Variants in PTPRG observed in about 807,000 individuals in gnomAD.
PTPRG encodes protein tyrosine phosphatase receptor type G.
PTPRG carries 102 observed loss-of-function variants against 165.3 expected under a neutral mutation model. The observed-to-expected ratio is 0.62, with a 90% CI of 0.53 to 0.73. PTPRG has a LOEUF of 0.73. Ranked by LOEUF, PTPRG falls within the 30% of genes least tolerant of loss-of-function variation. The pLI is 0.00. For synonymous variants in PTPRG, 675 were observed against 669.5 expected, an observed-to-expected ratio of 1.01 and a Z score of -0.13; for missense variants, 1,866 against 1,861.4, an observed-to-expected ratio of 1.00 and a Z score of -0.05.
At chr3:61,923,657 C>T (rs1004901863) in intron 2 of PTPRG, among the ~76,000 whole-genome samples, 4 of 149,270 alleles carry the variant, frequency 2.7e-5, no homozygotes, top group African/African-American at 9.9e-5. Context: ...ACAGTTCCCA[C>T]CTATGAGCAC....
intron 1 of PTPRG, among the ~76,000 whole-genome samples, chr3:61,583,533 C>G (rs1261961559): frequency 1.3e-5 from 2 of 152,114 alleles, no homozygotes; most frequent in Admixed American, 6.6e-5. Context: ...ATTATTTTTG[C>G]CTGCCTAGCA....
chr3:62,134,887 G>A (rs1703648990), intron 6 of PTPRG, among the ~76,000 whole-genome samples: 1 of 152,196 alleles, frequency 6.6e-6, no homozygotes, highest in Non-Finnish European at 1.5e-5. Context: ...AAGCCCATGT[G>A]GGTATTGCCT....
At chr3:62,078,738 A>G (rs796810977) in intron 5 of PTPRG, among the ~76,000 whole-genome samples, 44 of 152,290 alleles carry the variant, frequency 2.9e-4, no homozygotes, top group African/African-American at 8.4e-4. Context: ...GTGTTGGTAC[A>G]TTTATGAACT....
chr3:62,167,412 G>A (rs984922601), intron 7 of PTPRG, among the ~76,000 whole-genome samples: 2 of 152,166 alleles, frequency 1.3e-5, no homozygotes, highest in East Asian at 1.9e-4. Context: ...ACTAGGAACT[G>A]TTTTAAGCAC....
intron 1 of PTPRG, among the ~76,000 whole-genome samples, chr3:61,723,747 T>C (rs2032144844): frequency 1.3e-5 from 2 of 152,192 alleles, no homozygotes; most frequent in South Asian, 4.1e-4. Context: ...TGGCACAATA[T>C]ATGTTTGTAG....
Position 62,267,508 on chromosome 3 carries a change from T to G in PTPRG, c.2739+16T>G, listed in dbSNP as rs1413819625. The G allele has an allele frequency of 3.8e-6, 6 of 1,591,014 alleles. No homozygotes were observed. The highest frequency in any genetic ancestry group is 5.2e-6 in the Non-Finnish European group (6 of 1,162,996). ...CTATGTTGATGTAAGTCAGAACTGT[T>G]ATTATAAACCTGTTTCTAGAAATTG... On this transcript the variant is annotated intron_variant, in intron 18 of 29. Transcript: ENST00000474889.
intron 2 of PTPRG, among the ~76,000 whole-genome samples, chr3:61,964,553 C>T (rs1053561764): frequency 9.9e-5 from 15 of 152,082 alleles, no homozygotes; most frequent in African/African-American, 3.6e-4. Context: ...AATTCCAAAT[C>T]GCTGAACTGC....
At chr3:62,096,280 C>T (rs372506663) in intron 5 of PTPRG, among the ~76,000 whole-genome samples, 19 of 152,262 alleles carry the variant, frequency 1.2e-4, no homozygotes, top group Middle Eastern at 3.4e-3. Flanking sequence ...ATGAAAATAA[C>T]GCTTCTGGAG....
chr3:61,908,623 G>A (rs555755775), intron 2 of PTPRG, among the ~76,000 whole-genome samples: 101 of 152,176 alleles, frequency 6.6e-4, no homozygotes, highest in Middle Eastern at 3.4e-3. Context: ...TTCTGCTTCT[G>A]TGTTTCTCCT....
chr3:61,585,653 G>T (rs1014727395), intron 1 of PTPRG, among the ~76,000 whole-genome samples: 4 of 151,968 alleles, frequency 2.6e-5, no homozygotes, highest in African/African-American at 9.7e-5. Context: ...AGGCTGAGGT[G>T]GGAGGATGGC....
At chr3:61,695,056 G>A (rs2030486327) in intron 1 of PTPRG, among the ~76,000 whole-genome samples, 1 of 151,788 alleles carries the variant, frequency 6.6e-6, no homozygotes, top group Non-Finnish European at 1.5e-5. Flanking sequence ...TGTCATCCAG[G>A]CTGGAGTGCA....
intron 1 of PTPRG, among the ~76,000 whole-genome samples, chr3:61,614,989 G>A (rs576326509): frequency 5.3e-5 from 8 of 152,148 alleles, no homozygotes; most frequent in East Asian, 1.9e-4. Context: ...CACACCATGC[G>A]CTCCACCCGT....
chr3:61,973,363 T>C (rs1428665016), intron 2 of PTPRG, among the ~76,000 whole-genome samples: 1 of 152,218 alleles, frequency 6.6e-6, no homozygotes, highest in Non-Finnish European at 1.5e-5. Context: ...TTCATCAATA[T>C]GGTAGATGGG....
intron 3 of PTPRG, among the ~76,000 whole-genome samples, chr3:61,996,390 T>C (rs527447606): frequency 2.0e-5 from 3 of 152,294 alleles, no homozygotes; most frequent in African/African-American, 7.2e-5. Context: ...ATGATGATGG[T>C]AGACCATTGT....
chr3:61,569,542 C>T (rs767287372), intron 1 of PTPRG, among the ~76,000 whole-genome samples: 122 of 152,264 alleles, frequency 8.0e-4, no homozygotes, highest in Non-Finnish European at 1.4e-3. Context: ...TGGTCTTAAA[C>T]TCCTGACCTC....
At chr3:61,681,619 A>G (rs956377274) in intron 1 of PTPRG, among the ~76,000 whole-genome samples, 8 of 152,128 alleles carry the variant, frequency 5.3e-5, no homozygotes, top group Non-Finnish European at 1.0e-4. Flanking sequence ...TTCCTCTTCT[A>G]TGAAATGTGG....
chr3:62,238,874 T>TG (rs1701091669), intron 14 of PTPRG, among the ~76,000 whole-genome samples: 1 of 152,130 alleles, frequency 6.6e-6, no homozygotes, highest in Non-Finnish European at 1.5e-5. Context: ...GAAAGATATA[T>TG]GCTGCAAATT....
At chr3:61,631,753 G>A (rs767396437) in intron 1 of PTPRG, among the ~76,000 whole-genome samples, 2 of 152,112 alleles carry the variant, frequency 1.3e-5, no homozygotes, top group African/African-American at 2.4e-5. Context: ...AGTATTTCTG[G>A]ATCAGTAGAG....
At chr3:61,803,724 C>A (rs563924130) in intron 2 of PTPRG, among the ~76,000 whole-genome samples, 1 of 152,260 alleles carries the variant, frequency 6.6e-6, no homozygotes, top group East Asian at 1.9e-4. Context: ...GGTGACACAC[C>A]ACCATATACT....
Sources: gnomAD v4.1 joint callset for allele counts (sites outside exome capture counted in the v4.1 genomes callset) on GRCh38, gnomAD v4.1.1 for gene constraint, MANE v1.5 for transcripts, NCBI Gene and HGNC (gene_info 2026-07-23, HGNC 2026-07-21) for gene names.